The following SV2C variants were observed in gnomAD, a reference collection of about 807,000 sequenced individuals.
SV2C encodes synaptic vesicle glycoprotein 2C, also known as solute carrier family 22 member B3.
In SV2C, 49 loss-of-function variants were observed where a neutral mutation model predicts 79.7. The ratio of observed to expected loss-of-function variants is 0.61; its 90% CI spans 0.49 to 0.78. SV2C has a LOEUF of 0.78. SV2C is among the 30% of genes least tolerant of loss of function. SV2C has a pLI of 0.00. For synonymous variants in SV2C, 334 were observed against 333.2 expected (o/e 1.00, Z -0.03); for missense variants, 833 against 912.9 (o/e 0.91, Z 1.13).
chr5:75,911,760 C>T, the SV2C span: 1 of 610,472 alleles, frequency 1.6e-6, no homozygotes, highest in African/African-American at 1.9e-5. Context: ...TCTTAGCTGA[C>T]TCCTCGGAGG....
chr5:76,253,995 C>T (rs1393796655), intron 4 of SV2C, among the ~76,000 whole-genome samples: 1 of 152,006 alleles, frequency 6.6e-6, no homozygotes, highest in Admixed American at 6.6e-5. Context: ...AAATGTAATG[C>T]ATTGTCTGGG....
chr5:76,151,790 G>A (rs1387817202), intron 2 of SV2C, among the ~76,000 whole-genome samples: 2 of 144,946 alleles, frequency 1.4e-5, no homozygotes, highest in Non-Finnish European at 3.1e-5. Flanking sequence ...AGTGCCCTTA[G>A]CAGAGCCTGG....
At chr5:76,202,996 G>A (rs529890449) in intron 3 of SV2C, among the ~76,000 whole-genome samples, 14 of 152,128 alleles carry the variant, frequency 9.2e-5, no homozygotes, top group African/African-American at 2.2e-4. Context: ...AATTACATAC[G>A]TGGCTCACAT....
intron 2 of SV2C, among the ~76,000 whole-genome samples, chr5:76,171,893 T>C (rs1251761016): frequency 8.2e-4 from 67 of 81,654 alleles, no homozygotes; most frequent in Non-Finnish European, 1.2e-3. Context: ...GATGGGGGGG[T>C]CAGCCCCCCC....
intron 12 of SV2C, among the ~76,000 whole-genome samples, chr5:76,349,233 C>T (rs1421056557): frequency 7.3e-5 from 11 of 151,380 alleles, no homozygotes; most frequent in Non-Finnish European, 1.3e-4. Context: ...GTAATTAGGC[C>T]AAGCACGGTG....
chr5:76,291,637 T>C, intron 7 of SV2C, 131 bp from the exon 8 acceptor site: 2 of 672,708 alleles, frequency 3.0e-6, no homozygotes. Flanking sequence ...TACCTTTAAC[T>C]TTTACATTTT....
chr5:76,134,232 G>T (rs1748993822), intron 2 of SV2C, among the ~76,000 whole-genome samples: 2 of 152,158 alleles, frequency 1.3e-5, no homozygotes, highest in South Asian at 4.1e-4. Context: ...TTAAAAATAT[G>T]TCCCCAGGAG....
chr5:76,033,030 C>A, the SV2C span, among the ~76,000 whole-genome samples: 3,293 of 152,202 alleles, frequency 0.022, 129 homozygotes, highest in African/African-American at 0.076. Context: ...TGTTTTTTGG[C>A]TGCATAAATG....
intron 1 of SV2C, among the ~76,000 whole-genome samples, chr5:76,096,317 G>A (rs889274471): frequency 6.6e-6 from 1 of 151,758 alleles, no homozygotes; most frequent in Non-Finnish European, 1.5e-5. Flanking sequence ...AACAATACTT[G>A]TATTCTTTAT....
chr5:75,960,252 A>C, the SV2C span, among the ~76,000 whole-genome samples: 1,774 of 152,086 alleles, frequency 0.012, 17 homozygotes, highest in Non-Finnish European at 0.018. Flanking sequence ...CTGTGTTAAC[A>C]CAAGTGCCTG....
At chr5:76,036,260 A>G in the SV2C span, among the ~76,000 whole-genome samples, 16 of 149,824 alleles carry the variant, frequency 1.1e-4, no homozygotes, top group East Asian at 2.0e-4. Context: ...AGTTAATATT[A>G]TTATGTGTGA....
At chr5:76,321,658 T>C (rs1748833327) in intron 12 of SV2C, among the ~76,000 whole-genome samples, 1 of 151,702 alleles carries the variant, frequency 6.6e-6, no homozygotes, top group Non-Finnish European at 1.5e-5. Context: ...GGAGGATCAC[T>C]TGAGCCCAGT....
chr5:76,204,325 C>A (rs2112345281), intron 3 of SV2C, among the ~76,000 whole-genome samples: 1 of 152,302 alleles, frequency 6.6e-6, no homozygotes, highest in Admixed American at 6.5e-5. Flanking sequence ...CTGACATAGG[C>A]CAGACCATTC....
At chr5:75,926,126 G>T in the SV2C span, among the ~76,000 whole-genome samples, 3 of 152,256 alleles carry the variant, frequency 2.0e-5, no homozygotes, top group Non-Finnish European at 2.9e-5. Context: ...ATTAGGAAAA[G>T]AATTAGAAGC....
chr5:75,911,630 A>G, the SV2C span: 1 of 702,568 alleles, frequency 1.4e-6, no homozygotes, highest in African/African-American at 1.8e-5. Context: ...GAAAATGAAA[A>G]CATCCACAAT....
intron 1 of SV2C, among the ~76,000 whole-genome samples, chr5:76,092,666 T>C (rs1030273414): frequency 3.3e-5 from 5 of 152,210 alleles, no homozygotes; most frequent in African/African-American, 1.2e-4. Flanking sequence ...GGCACATTTT[T>C]CACTCTACTC....
the SV2C span, among the ~76,000 whole-genome samples, chr5:76,018,751 G>C: frequency 6.6e-6 from 1 of 152,124 alleles, no homozygotes; most frequent in African/African-American, 2.4e-5. Context: ...AAAAATATTT[G>C]TTTAGACAAG....
chr5:76,238,346 A>T (rs1459761505), intron 4 of SV2C, among the ~76,000 whole-genome samples: 1 of 151,498 alleles, frequency 6.6e-6, no homozygotes, highest in Non-Finnish European at 1.5e-5. Context: ...TGCCCTTTTT[A>T]ATCCAACCTT....
At chr5:76,002,702 G>C in the SV2C span, among the ~76,000 whole-genome samples, 1 of 152,154 alleles carries the variant, frequency 6.6e-6, no homozygotes. Context: ...AGCATTGATA[G>C]TTACACAGCA....
Sources: gnomAD v4.1 joint callset for allele counts (sites outside exome capture counted in the v4.1 genomes callset) on GRCh38, gnomAD v4.1.1 for gene constraint, MANE v1.5 for transcripts, NCBI Gene and HGNC (gene_info 2026-07-23, HGNC 2026-07-21) for gene names.